Variants in ANGPT1 observed in about 807,000 individuals in gnomAD.
The protein encoded by ANGPT1 is angiopoietin 1.
A neutral mutation model predicts 62.2 loss-of-function variants in ANGPT1; 17 were observed. The ratio of observed to expected loss-of-function variants is 0.27; its 90% CI spans 0.19 to 0.41. The LOEUF is 0.41. Among genes scored for constraint, ANGPT1 ranks in the 10% least tolerant of loss-of-function variants. The pLI is 1.00. For synonymous variants in ANGPT1, 199 were observed against 198.9 expected (o/e 1.00, Z 0.00); for missense variants, 478 against 594.9 (o/e 0.80, Z 2.04).
In ANGPT1 at chr8:107,316,531, C is replaced by T. The variant is rs547371573; in HGVS notation, c.808+5365G>A. ...CAAGTATTTGCTGATATTATAATAA[C>T]GGTAAAAGCACCCATCTGGTCCCCT... On this transcript the variant is annotated intron_variant, in intron 4 of 8. Coordinates refer to ENST00000517746, the MANE Select transcript of ANGPT1 (RefSeq NM_001146.5). Among the ~76,000 whole-genome samples the T allele has an allele frequency of 1.1e-4, 17 of 152,294 alleles. No homozygotes were observed. In the South Asian group the frequency reaches 3.1e-3, roughly 28 times the overall value.
intron 1 of ANGPT1, among the ~76,000 whole-genome samples, chr8:107,474,890 C>A (rs1463457308): frequency 6.6e-6 from 1 of 152,066 alleles, no homozygotes; most frequent in Admixed American, 6.6e-5. Context: ...ATGTGAAGGA[C>A]CTCTTTAAGG....
At chr8:107,353,366 T>C (rs1815972871) in intron 1 of ANGPT1, among the ~76,000 whole-genome samples, 1 of 152,122 alleles carries the variant, frequency 6.6e-6, no homozygotes, top group Non-Finnish European at 1.5e-5. Context: ...CAGGCTCACA[T>C]CACTAGGCTG....
chr8:107,461,812 G>A (rs1024438583), intron 1 of ANGPT1, among the ~76,000 whole-genome samples: 10 of 152,058 alleles, frequency 6.6e-5, no homozygotes, highest in African/African-American at 1.9e-4. Context: ...CATATTGATG[G>A]TATGGGGCGA....
chr8:107,260,001 A>T, intron 8 of ANGPT1, among the ~76,000 whole-genome samples: 1 of 152,144 alleles, frequency 6.6e-6, no homozygotes, highest in East Asian at 1.9e-4. Context: ...TAGTAGATAA[A>T]ACTATTTCTT....
chr8:107,310,951 ATGTATG>A (rs948748461), intron 4 of ANGPT1, among the ~76,000 whole-genome samples: 4 of 96,746 alleles, frequency 4.1e-5, no homozygotes, highest in Admixed American at 1.3e-4. Context: ...GTGTGTGTGT[ATGTATG>A]TGTGTGTGTA....
At chr8:107,295,992 C>T (rs753842684) in intron 5 of ANGPT1, among the ~76,000 whole-genome samples, 8 of 151,982 alleles carry the variant, frequency 5.3e-5, no homozygotes, top group Non-Finnish European at 1.2e-4. Flanking sequence ...CAGTAACTTA[C>T]CAGTGATTAT....
chr8:107,355,923 G>T (rs1816035651), intron 1 of ANGPT1, among the ~76,000 whole-genome samples: 1 of 152,116 alleles, frequency 6.6e-6, no homozygotes, highest in Admixed American at 6.5e-5. Context: ...GCACTACCTG[G>T]TTCAACTTGG....
chr8:107,332,184 T>C (rs1815438369), intron 3 of ANGPT1, among the ~76,000 whole-genome samples: 1 of 152,226 alleles, frequency 6.6e-6, no homozygotes. Flanking sequence ...TTACATTTTG[T>C]GTCCTACTTT....
Position 107,327,970 on chromosome 8 carries a change from T to C in ANGPT1, c.576-5842A>G, listed in dbSNP as rs898544507. The stretch of plus-strand genomic sequence containing the variant: ...GAAATATTTCAAATCATTGAACATA[T>C]CTTGAAGCTTTCACAGAAAAGGATA... On this transcript the variant is annotated intron_variant, in intron 3 of 8. Transcript: ENST00000517746. 2.6e-5 allele frequency among the ~76,000 whole-genome samples: 4 copies of C among 152,182 alleles called. No individual in the cohort carries two copies. In the East Asian group the frequency reaches 7.7e-4, roughly 29 times the overall value.
intron 1 of ANGPT1, among the ~76,000 whole-genome samples, chr8:107,470,583 C>T (rs1381275462): frequency 6.6e-6 from 1 of 152,044 alleles, no homozygotes; most frequent in Non-Finnish European, 1.5e-5. Flanking sequence ...CAGTAGGTTG[C>T]CTGTTCACTC....
At chr8:107,330,595 T>C (rs1815398090) in intron 3 of ANGPT1, among the ~76,000 whole-genome samples, 1 of 152,172 alleles carries the variant, frequency 6.6e-6, no homozygotes, top group Non-Finnish European at 1.5e-5. Context: ...GAAAGAAGAC[T>C]TTGGCACAGC....
chr8:107,446,843 A>G (rs1012276042), intron 1 of ANGPT1, among the ~76,000 whole-genome samples: 1 of 152,202 alleles, frequency 6.6e-6, no homozygotes, highest in African/African-American at 2.4e-5. Context: ...CCTAAATTCC[A>G]GACTCAACAA....
chr8:107,428,359 C>T (rs1415158869), intron 1 of ANGPT1, among the ~76,000 whole-genome samples: 2 of 152,100 alleles, frequency 1.3e-5, no homozygotes, highest in Admixed American at 1.3e-4. Context: ...CAGAGTCTAC[C>T]CTATGGGAGA....
intron 1 of ANGPT1, among the ~76,000 whole-genome samples, chr8:107,462,940 C>T (rs1312935043): frequency 6.6e-6 from 1 of 152,048 alleles, no homozygotes; most frequent in Non-Finnish European, 1.5e-5. Context: ...ACATTTCTGT[C>T]CCTATAGTGA....
At chr8:107,481,635 G>A (rs1037871942) in intron 1 of ANGPT1, among the ~76,000 whole-genome samples, 1 of 151,824 alleles carries the variant, frequency 6.6e-6, no homozygotes, top group African/African-American at 2.4e-5. Flanking sequence ...CCGAAACTGG[G>A]TAATTTATAA....
intron 1 of ANGPT1, among the ~76,000 whole-genome samples, chr8:107,370,696 C>CT (rs1478143959): frequency 6.8e-5 from 4 of 58,938 alleles, no homozygotes; most frequent in African/African-American, 3.0e-4. Context: ...GAGCAAGACT[C>CT]TGTCAAAAAA....
chr8:107,479,927 A>G (rs1429738605), intron 1 of ANGPT1, among the ~76,000 whole-genome samples: 1 of 152,210 alleles, frequency 6.6e-6, no homozygotes, highest in East Asian at 1.9e-4. Context: ...AGTTATATTT[A>G]TTAAATCTTA....
At chr8:107,323,630 T>TGGTAGATGCCA (rs1815208508) in intron 3 of ANGPT1, among the ~76,000 whole-genome samples, 1 of 152,186 alleles carries the variant, frequency 6.6e-6, no homozygotes, top group Non-Finnish European at 1.5e-5. Context: ...TGTGCCATCC[T>TGGTAGATGCCA]GGTAGATGCC....
At chr8:107,298,086 G>A (rs1814463809) in intron 5 of ANGPT1, among the ~76,000 whole-genome samples, 1 of 151,828 alleles carries the variant, frequency 6.6e-6, no homozygotes, top group African/African-American at 2.4e-5. Flanking sequence ...AGAAATGACT[G>A]AACTGGCTCC....
Sources: allele counts gnomAD v4.1 joint callset (sites outside exome capture counted in the v4.1 genomes callset), GRCh38; gene constraint gnomAD v4.1.1; transcripts MANE v1.5; gene names NCBI Gene and HGNC (gene_info 2026-07-23, HGNC 2026-07-21).